The following KPNA4 variants were observed in gnomAD, a reference collection of about 807,000 sequenced individuals.
KPNA4 encodes importin subunit alpha-3.
In KPNA4, 13 loss-of-function variants were observed where a neutral mutation model predicts 71.3. That is an observed-to-expected ratio of 0.18 (90% CI 0.12 to 0.29). The LOEUF (loss-of-function observed/expected upper bound fraction) is 0.29, where lower values mean the gene tolerates loss of function less well. Ranked by LOEUF, KPNA4 falls within the 10% of genes least tolerant of loss-of-function variation. The pLI, the probability that KPNA4 is intolerant of heterozygous loss-of-function variation, is 1.00. For missense variants in KPNA4, 334 were observed against 603.2 expected (o/e 0.55, Z 4.67); for synonymous variants, 189 against 195.2 (o/e 0.97, Z 0.26).
intron 14 of KPNA4, among the ~76,000 whole-genome samples, chr3:160,508,534 T>C (rs1721031217): frequency 1.3e-5 from 2 of 152,172 alleles, no homozygotes; most frequent in African/African-American, 4.8e-5. Flanking sequence ...CCATAAGAAA[T>C]ACTTCCTTCA....
chr3:160,543,889 C>T (rs1176697600), intron 1 of KPNA4, among the ~76,000 whole-genome samples: 1 of 151,464 alleles, frequency 6.6e-6, no homozygotes, highest in African/African-American at 2.4e-5. Flanking sequence ...TGGAGTTTCG[C>T]TCTTGCTGCC....
chr3:160,559,554 G>C (rs960710134), intron 1 of KPNA4, among the ~76,000 whole-genome samples: 1 of 152,104 alleles, frequency 6.6e-6, no homozygotes, highest in African/African-American at 2.4e-5. Context: ...CAGACCAATA[G>C]ATTTTAATGT....
chr3:160,531,986 T>C (rs1357660885), intron 5 of KPNA4, among the ~76,000 whole-genome samples: 2 of 152,086 alleles, frequency 1.3e-5, no homozygotes, highest in East Asian at 3.9e-4. Flanking sequence ...GAGACGGAGT[T>C]TCCTCATGTT....
intron 1 of KPNA4, among the ~76,000 whole-genome samples, chr3:160,558,765 A>T (rs1046766524): frequency 2.0e-5 from 3 of 152,172 alleles, no homozygotes; most frequent in African/African-American, 4.8e-5. Context: ...TTTTAAAAAA[A>T]AAATTGTATT....
intron 15 of KPNA4, among the ~76,000 whole-genome samples, chr3:160,505,585 A>C (rs1720969128): frequency 6.6e-6 from 1 of 152,242 alleles, no homozygotes; most frequent in Non-Finnish European, 1.5e-5. Flanking sequence ...ATAGGCAGAA[A>C]CATTAAAAAG....
intron 1 of KPNA4, among the ~76,000 whole-genome samples, chr3:160,555,803 C>A (rs1722125094): frequency 6.6e-6 from 1 of 151,642 alleles, no homozygotes; most frequent in Admixed American, 6.6e-5. Context: ...TTGTTTCCTT[C>A]TTTTATTTTA....
At chr3:160,519,056 C>T (rs542210109) in intron 11 of KPNA4, among the ~76,000 whole-genome samples, 1 of 151,688 alleles carries the variant, frequency 6.6e-6, no homozygotes, top group Non-Finnish European at 1.5e-5. Context: ...TATTTCTAGG[C>T]CCCTTATATT....
intron 1 of KPNA4, among the ~76,000 whole-genome samples, chr3:160,558,751 C>T (rs1392104089): frequency 1.3e-5 from 2 of 151,780 alleles, no homozygotes; most frequent in Non-Finnish European, 1.5e-5. Flanking sequence ...AATACTAATA[C>T]TTTTTTTAAA....
intron 1 of KPNA4, among the ~76,000 whole-genome samples, chr3:160,563,108 A>G (rs1316116072): frequency 6.6e-6 from 1 of 152,238 alleles, no homozygotes; most frequent in Non-Finnish European, 1.5e-5. Context: ...AAAAAGTGGA[A>G]ACAATGAAAA....
intron 1 of KPNA4, 98 bp downstream of exon 1, chr3:160,565,116 G>C: frequency 1.0e-6 from 1 of 1,003,096 alleles, no homozygotes; most frequent in Non-Finnish European, 1.5e-6. Flanking sequence ...CCGAGGCCTG[G>C]AGGCGGCTCC....
chr3:160,506,583 C>T (rs752139333), intron 15 of KPNA4, among the ~76,000 whole-genome samples: 2 of 152,182 alleles, frequency 1.3e-5, no homozygotes, highest in Non-Finnish European at 2.9e-5. Context: ...TCACCAATGG[C>T]CTGCCACTCC....
At chr3:160,514,840 A>G (rs1721171464) in intron 12 of KPNA4, 1 of 428,154 alleles carries the variant, frequency 2.3e-6, no homozygotes, top group Admixed American at 2.6e-5. Context: ...TACGCGTTAT[A>G]ATCATAGATA....
At chr3:160,511,421 C>CTATT (rs1453999536) in intron 13 of KPNA4, among the ~76,000 whole-genome samples, 35 of 152,204 alleles carry the variant, frequency 2.3e-4, no homozygotes, top group African/African-American at 8.4e-4. Flanking sequence ...CTTTAAAGTA[C>CTATT]TATTTAACAA....
chr3:160,543,260 T>C (rs1343674012), intron 1 of KPNA4, among the ~76,000 whole-genome samples: 1 of 152,154 alleles, frequency 6.6e-6, no homozygotes, highest in African/African-American at 2.4e-5. Flanking sequence ...CATAGGCAAG[T>C]CACGACCTTT....
chr3:160,550,373 T>A (rs1259306282), intron 1 of KPNA4, among the ~76,000 whole-genome samples: 3 of 152,178 alleles, frequency 2.0e-5, no homozygotes, highest in African/African-American at 7.2e-5. Flanking sequence ...TCTTCCCCCC[T>A]CAGCCTTCCA....
intron 1 of KPNA4, among the ~76,000 whole-genome samples, chr3:160,558,045 T>C (rs901128173): frequency 1.3e-5 from 2 of 152,200 alleles, no homozygotes; most frequent in Non-Finnish European, 2.9e-5. Flanking sequence ...TGACCTTAAA[T>C]CATTTTCATT....
In KPNA4 at chr3:160,554,876, T is replaced by C. The variant is rs192790963; in HGVS notation, c.69+10338A>G. On this transcript the variant is annotated intron_variant, in intron 1 of 16. Transcript: ENST00000334256. ...TTCATCTGTATCCTTTGTAATATAGTTTATTTTAAAAAATCAGCAAACATA... is the reference window on the plus strand; with the variant it reads ...TTCATCTGTATCCTTTGTAATATAGCTTATTTTAAAAAATCAGCAAACATA... Among the ~76,000 whole-genome samples the C allele has an allele frequency of 6.6e-5, 10 of 152,340 alleles. No individual in the cohort carries two copies. The East Asian group carries it at 1.7e-3, about 26-fold the overall frequency.
intron 13 of KPNA4, among the ~76,000 whole-genome samples, chr3:160,510,566 T>TA (rs1236706962): frequency 6.6e-6 from 1 of 152,130 alleles, no homozygotes; most frequent in Non-Finnish European, 1.5e-5. Context: ...TATGATGTAT[T>TA]AAAAAACCAC....
intron 1 of KPNA4, among the ~76,000 whole-genome samples, chr3:160,557,806 G>A (rs1373702967): frequency 1.3e-5 from 2 of 151,736 alleles, no homozygotes; most frequent in South Asian, 2.1e-4. Context: ...TCCTAAATAG[G>A]TATGACTACA....
Sources: allele counts gnomAD v4.1 joint callset (sites outside exome capture counted in the v4.1 genomes callset), GRCh38; gene constraint gnomAD v4.1.1; transcripts MANE v1.5; gene names NCBI Gene and HGNC (gene_info 2026-07-23, HGNC 2026-07-21).